The following CDK14 variants were observed in gnomAD, a reference collection of about 807,000 sequenced individuals.
CDK14 encodes cyclin dependent kinase 14, also known as cyclin-dependent kinase 14.
In CDK14, 34 loss-of-function variants were observed where a neutral mutation model predicts 60.7. The observed-to-expected ratio is 0.56, with a 90% confidence interval of 0.43 to 0.75. CDK14 has a LOEUF of 0.75. Among genes scored for constraint, CDK14 ranks in the 30% least tolerant of loss-of-function variants. The probability of loss-of-function intolerance (pLI) is 0.00; values close to 1 mark genes in which losing one functional copy is unlikely to be tolerated. For missense variants in CDK14, 482 were observed against 564.1 expected (o/e 0.85, Z 1.47); for synonymous variants, 197 against 203.7 (o/e 0.97, Z 0.28).
At chr7:90,636,745 C>A (rs1031731070) in intron 2 of CDK14, among the ~76,000 whole-genome samples, 3 of 152,196 alleles carry the variant, frequency 2.0e-5, no homozygotes, top group African/African-American at 7.2e-5. Context: ...TGGAATTCAG[C>A]TATGAATCCA....
At position 90,894,213 on chromosome 7, in the gene CDK14, G is replaced by A. The variant is rs116764028; in HGVS notation, c.640-5078G>A. On this transcript the variant is annotated intron_variant, in intron 6 of 14. Transcript: ENST00000380050. Reference sequence around the variant, plus strand: ...ACCAGTTAATTTTCACAATAACCATGTGAGGTTAATATGAAAATTGAACTA... The same window carrying A: ...ACCAGTTAATTTTCACAATAACCATATGAGGTTAATATGAAAATTGAACTA... Among the ~76,000 whole-genome samples, 484 of 152,220 alleles carry A rather than the reference G, an allele frequency of 3.2e-3. 5 individuals carry two copies. The highest frequency in any genetic ancestry group is 0.011 in the African/African-American group (464 of 41,526).
chr7:90,663,101 CACACA>C (rs1563035509), intron 2 of CDK14, among the ~76,000 whole-genome samples: 2 of 146,002 alleles, frequency 1.4e-5, no homozygotes, highest in Non-Finnish European at 3.1e-5. Context: ...TGGGAACACA[CACACA>C]CACACACACA....
rs1370939479 is a variant in CDK14 at position 90,596,471 on chromosome 7, C to T, written c.-157C>T. ...GCGGAGCCTGCCGTCCTCCGCCTGCCTGCTGCTCGCCTCCCTAGACCTGCG... is the reference window on the plus strand; with the variant it reads ...GCGGAGCCTGCCGTCCTCCGCCTGCTTGCTGCTCGCCTCCCTAGACCTGCG... On this transcript the variant is annotated 5_prime_UTR_variant, in exon 1 of 15. Coordinates refer to ENST00000380050, the MANE Select transcript of CDK14 (RefSeq NM_001287135.2). 2 of 565,612 alleles carry T rather than the reference C, an allele frequency of 3.5e-6. No homozygotes were observed. Among genetic ancestry groups the T allele is most frequent in the African/African-American group, 4.0e-5 (2 of 50,072 alleles). 35.0% of individuals were successfully genotyped at this position (565,612 alleles called of 1,614,324 possible). A position where few individuals can be genotyped will look rare whatever the true frequency, so the allele number is the denominator to read the frequency against.
chr7:90,735,960 A>C (rs1803081820), intron 3 of CDK14, among the ~76,000 whole-genome samples: 1 of 152,184 alleles, frequency 6.6e-6, no homozygotes, highest in East Asian at 1.9e-4. Flanking sequence ...TGGCCTAGGC[A>C]CCGGCGGGAA....
At chr7:90,620,852 G>T (rs1350714647) in intron 2 of CDK14, among the ~76,000 whole-genome samples, 3 of 152,186 alleles carry the variant, frequency 2.0e-5, no homozygotes, top group Non-Finnish European at 4.4e-5. Context: ...ACATTTTAAA[G>T]AGGGGGAAAC....
At chr7:90,910,942 C>T (rs1482810128) in intron 7 of CDK14, among the ~76,000 whole-genome samples, 1 of 152,144 alleles carries the variant, frequency 6.6e-6, no homozygotes, top group Non-Finnish European at 1.5e-5. Flanking sequence ...CCACCCTCCA[C>T]CCTCTGGTAG....
At chr7:90,736,016 C>G (rs530187841) in intron 3 of CDK14, among the ~76,000 whole-genome samples, 3 of 152,216 alleles carry the variant, frequency 2.0e-5, no homozygotes, top group Non-Finnish European at 2.9e-5. Flanking sequence ...AGCACAGTAT[C>G]TGGGCCAGAG....
At chr7:90,880,137 C>T (rs2059471479) in intron 6 of CDK14, among the ~76,000 whole-genome samples, 1 of 152,234 alleles carries the variant, frequency 6.6e-6, no homozygotes, top group Non-Finnish European at 1.5e-5. Context: ...ATTTGAGCTC[C>T]TTGGGGGAGG....
At chr7:90,940,453 C>T (rs1283146622) in intron 8 of CDK14, among the ~76,000 whole-genome samples, 1 of 152,022 alleles carries the variant, frequency 6.6e-6, no homozygotes, top group Non-Finnish European at 1.5e-5. Flanking sequence ...CAAACAATGT[C>T]ACAATGAATC....
chr7:90,744,942 T>C (rs1216098662), intron 3 of CDK14, among the ~76,000 whole-genome samples: 1 of 152,240 alleles, frequency 6.6e-6, no homozygotes, highest in Non-Finnish European at 1.5e-5. Context: ...TTAGCATGCT[T>C]TCTTATTGAA....
rs141395840 is a variant in CDK14, at chr7:90,899,347, T to C, written c.696T>C (p.Asn232=). 219 of 1,596,602 alleles carry C rather than the reference T, an allele frequency of 1.4e-4. No individual in the cohort carries two copies. Among genetic ancestry groups the C allele is most frequent in the Admixed American group, 3.0e-4 (17 of 57,430 alleles). Residue 232 remains asparagine, a synonymous_variant, in exon 7 of 15, where the codon AAT becomes AAC. Transcript: ENST00000380050. ...ACCCTGGGGGGCTGCATCCAGATAATGTGAAGGTAGGAAAAGATCTTTTTA... is the reference window on the plus strand; with the variant it reads ...ACCCTGGGGGGCTGCATCCAGATAACGTGAAGGTAGGAAAAGATCTTTTTA... ...DKHPGGLHPD[N]VKLFLFQLLR...
In CDK14 at chr7:90,635,101, G is replaced by C. The variant is rs1433743239; in HGVS notation, c.123+30852G>C. 2.6e-5 allele frequency among the ~76,000 whole-genome samples: 4 copies of C among 151,926 alleles called. No homozygotes were observed. In the East Asian group the frequency reaches 7.7e-4, roughly 29 times the overall value. On this transcript the variant is annotated intron_variant, in intron 2 of 14. Coordinates refer to ENST00000380050, the MANE Select transcript of CDK14 (RefSeq NM_001287135.2). ...TGTAGGTTGCCTGTTCACTCTGATG[G>C]TAGTTTCTTTTGCTGTGCAGAAGCT...
intron 14 of CDK14, among the ~76,000 whole-genome samples, chr7:91,183,842 A>G (rs919701991): frequency 1.3e-5 from 2 of 152,200 alleles, no homozygotes; most frequent in Non-Finnish European, 1.5e-5. Context: ...CATTGTCTCT[A>G]TACAAATTTA....
At chr7:90,767,309 C>A (rs1158013430) in intron 4 of CDK14, among the ~76,000 whole-genome samples, 2 of 152,156 alleles carry the variant, frequency 1.3e-5, no homozygotes, top group Non-Finnish European at 2.9e-5. Context: ...GTACCTTATA[C>A]CTTCCTTGTT....
At chr7:90,943,347 T>A (rs1584150060) in intron 8 of CDK14, among the ~76,000 whole-genome samples, 1 of 152,108 alleles carries the variant, frequency 6.6e-6, no homozygotes, top group East Asian at 1.9e-4. Context: ...GCTAGAGAGG[T>A]AAACAGAGAT....
At chr7:91,048,920 G>A (rs1042452525) in intron 11 of CDK14, among the ~76,000 whole-genome samples, 3 of 152,018 alleles carry the variant, frequency 2.0e-5, no homozygotes, top group Non-Finnish European at 1.5e-5. Flanking sequence ...TGCTGCCCAG[G>A]TGGGACTGCA....
chr7:90,976,728 A>G (rs1347397110), intron 9 of CDK14, among the ~76,000 whole-genome samples: 1 of 152,038 alleles, frequency 6.6e-6, no homozygotes, highest in Non-Finnish European at 1.5e-5. Flanking sequence ...AGTTCCTTAT[A>G]TATCCTAGAT....
intron 2 of CDK14, among the ~76,000 whole-genome samples, chr7:90,695,853 G>A (rs1247630792): frequency 6.6e-6 from 1 of 152,140 alleles, no homozygotes; most frequent in Non-Finnish European, 1.5e-5. Flanking sequence ...CAAAGGGTCT[G>A]GGGGAGAAGG....
At chr7:90,906,512 GC>G (rs1426607138) in intron 7 of CDK14, among the ~76,000 whole-genome samples, 1 of 151,980 alleles carries the variant, frequency 6.6e-6, no homozygotes, top group Non-Finnish European at 1.5e-5. Flanking sequence ...AAATCATTTT[GC>G]TTCTAAATTT....
Sources: gnomAD v4.1 joint callset for allele counts (sites outside exome capture counted in the v4.1 genomes callset) on GRCh38, gnomAD v4.1.1 for gene constraint, MANE v1.5 for transcripts, NCBI Gene and HGNC (gene_info 2026-07-23, HGNC 2026-07-21) for gene names.